NAA60: variants seen among roughly 807,000 people sequenced by gnomAD.
NAA60 encodes the protein N-alpha-acetyltransferase 60.
In NAA60, 8 loss-of-function variants were observed where a neutral mutation model predicts 26.1. The observed-to-expected ratio is 0.31, with a 90% CI of 0.18 to 0.55. The LOEUF (loss-of-function observed/expected upper bound fraction) is 0.55, where lower values mean the gene tolerates loss of function less well. Ranked by LOEUF, NAA60 falls within the 20% of genes least tolerant of loss-of-function variation. The pLI is 0.93. For synonymous variants in NAA60, 131 were observed against 122.5 expected (o/e 1.07, Z -0.46); for missense variants, 290 against 311.3 (o/e 0.93, Z 0.51).
At chr16:3,471,601 C>T (rs2036150169) in intron 2 of NAA60, among the ~76,000 whole-genome samples, 1 of 152,194 alleles carries the variant, frequency 6.6e-6, no homozygotes, top group Admixed American at 6.5e-5. Flanking sequence ...TTGCCAACCC[C>T]ACTTCCTGGG....
rs534698135 is a variant in NAA60, at chr16:3,458,156, C to G, written c.-7+9616C>G. Reference sequence around the variant, plus strand: ...GGATGCGCTGAGCCCTACAACACCCCCAGCGGCCGCCGGCTCCCCCACGAG... The same window carrying G: ...GGATGCGCTGAGCCCTACAACACCCGCAGCGGCCGCCGGCTCCCCCACGAG... On this transcript the variant is annotated intron_variant, in intron 2 of 7. Coordinates refer to ENST00000407558, the MANE Select transcript of NAA60 (RefSeq NM_001083601.3). 2.5e-5 allele frequency: 25 copies of G among 985,090 alleles called. No individual in the cohort carries two copies. In the South Asian group the frequency reaches 1.0e-3, roughly 41 times the overall value. The allele number at this position is 985,090 out of a possible 1,614,324, so 61.0% of individuals were successfully genotyped here. A position where few individuals can be genotyped will look rare whatever the true frequency, so the allele number is the denominator to read the frequency against.
At chr16:3,454,790 C>G (rs1234788742) in intron 2 of NAA60, among the ~76,000 whole-genome samples, 2 of 152,122 alleles carry the variant, frequency 1.3e-5, no homozygotes, top group African/African-American at 2.4e-5. Context: ...ATCACAGAGC[C>G]AAGGGAGAAT....
At chr16:3,454,852 T>TA (rs1168314449) in intron 2 of NAA60, among the ~76,000 whole-genome samples, 1 of 152,108 alleles carries the variant, frequency 6.6e-6, no homozygotes, top group Non-Finnish European at 1.5e-5. Flanking sequence ...GAACAAGGGG[T>TA]AGAGTCTGTG....
chr16:3,477,497 C>A (rs4786422), intron 3 of NAA60, among the ~76,000 whole-genome samples: 5,976 of 152,290 alleles, frequency 0.039, 184 homozygotes, highest in Middle Eastern at 0.078. Context: ...GCGGTGGCAA[C>A]ATGAGTTAAA....
intron 2 of NAA60, among the ~76,000 whole-genome samples, chr16:3,462,086 C>CAAAAAAAAAAAAAAAAAAA (rs1228233879): frequency 1.3e-5 from 1 of 76,798 alleles, no homozygotes; most frequent in Non-Finnish European, 2.5e-5. Context: ...GACCTTATAT[C>CAAAAAAAAAAAAAAAAAAA]AAAAAAAAAA....
At chr16:3,445,570 C>G (rs966782487) in intron 1 of NAA60, among the ~76,000 whole-genome samples, 1 of 151,950 alleles carries the variant, frequency 6.6e-6, no homozygotes, top group Non-Finnish European at 1.5e-5. Context: ...CCACCGCGCC[C>G]CGCCTATTTA....
intron 7 of NAA60, 173 bp from the exon 8 acceptor site, chr16:3,485,294 T>C (rs2037095715): frequency 1.8e-6 from 1 of 566,678 alleles, no homozygotes. Context: ...AGTGCCTTTA[T>C]TTGTGTGGGG....
chr16:3,482,421 C>T (rs1471320390), intron 4 of NAA60, 81 bp from the exon 5 acceptor site: 9 of 1,176,710 alleles, frequency 7.6e-6, no homozygotes, highest in Admixed American at 2.0e-5. Context: ...GAAGTCGGTG[C>T]GGAGCCCGCC....
At chr16:3,449,673 A>C (rs953616249) in intron 2 of NAA60, among the ~76,000 whole-genome samples, 2 of 152,196 alleles carry the variant, frequency 1.3e-5, no homozygotes, top group African/African-American at 2.4e-5. Context: ...TGACAGAGCG[A>C]GACCCCATCT....
At chr16:3,482,443 G>A (rs542378530) in intron 4 of NAA60, 59 bp from the exon 5 acceptor site, 12 of 1,385,196 alleles carry the variant, frequency 8.7e-6, no homozygotes, top group African/African-American at 4.3e-5. Context: ...GGGCCGGGCT[G>A]TGCAGTGAGC....
Position 3,484,842 on chromosome 16 carries a change from G to A in NAA60, c.716G>A (p.Ser239Asn). ...GISSKSGIEY[S>N]RTM ...TCTTCCAAGAGTGGCATCGAGTACAGCCGGACCATGTGATGTCGGCTGGGC... is the reference window on the plus strand; with the variant it reads ...TCTTCCAAGAGTGGCATCGAGTACAACCGGACCATGTGATGTCGGCTGGGC... Residue 239 changes from serine to asparagine, a missense_variant, in exon 7 of 8, where the codon AGC becomes AAC. By Grantham distance (46) the Ser-to-Asn change is conservative. Coordinates refer to ENST00000407558, the MANE Select transcript of NAA60 (RefSeq NM_001083601.3). 1 of 1,562,082 alleles carries A rather than the reference G, an allele frequency of 6.4e-7. No individual in the cohort carries two copies. Among genetic ancestry groups the A allele is most frequent in the Non-Finnish European group, 8.7e-7 (1 of 1,153,978 alleles).
At position 3,449,314 on chromosome 16, in the gene NAA60, C is replaced by T. The variant is rs184967618; in HGVS notation, c.-7+774C>T. Among the ~76,000 whole-genome samples, 906 of 152,158 alleles carry T rather than the reference C, an allele frequency of 6.0e-3. 12 individuals are homozygous for T. Among genetic ancestry groups the T allele is most frequent in the African/African-American group, 0.02 (815 of 41,508 alleles). On this transcript the variant is annotated intron_variant, in intron 2 of 7. Coordinates refer to ENST00000407558, the MANE Select transcript of NAA60 (RefSeq NM_001083601.3). ...CAGGTGGATCATGAGGTCAGGAGAT[C>T]GAGACCATCCTGGCTAACACGGTGA...
At position 3,458,793 on chromosome 16, in the gene NAA60, A is replaced by G. The variant is rs534717576; in HGVS notation, c.-7+10253A>G. Among the ~76,000 whole-genome samples, 8 of 152,282 alleles carry G rather than the reference A, an allele frequency of 5.3e-5. No individual in the cohort carries two copies. The South Asian group carries it at 1.7e-3, about 32-fold the overall frequency. Reference sequence around the variant, plus strand: ...CTGGCCCTTTACAGACCGGCCCTACAGAACCCACACCCCCAGCTCCGACTT... The same window carrying G: ...CTGGCCCTTTACAGACCGGCCCTACGGAACCCACACCCCCAGCTCCGACTT... On this transcript the variant is annotated intron_variant, in intron 2 of 7. Transcript: ENST00000407558.
At chr16:3,482,732 C>A in intron 5 of NAA60, 134 bp downstream of exon 5, 1 of 690,612 alleles carries the variant, frequency 1.4e-6, no homozygotes, top group Non-Finnish European at 2.6e-6. Context: ...TCTCATCTTC[C>A]ATCCTCGTTC....
chr16:3,471,913 C>G (rs1391166843), intron 2 of NAA60, among the ~76,000 whole-genome samples: 4 of 152,164 alleles, frequency 2.6e-5, no homozygotes, highest in Non-Finnish European at 4.4e-5. Context: ...AATCGAGGAA[C>G]CAGCCTCTGC....
chr16:3,444,055 T>C (rs899149847), intron 1 of NAA60, among the ~76,000 whole-genome samples: 5 of 152,192 alleles, frequency 3.3e-5, no homozygotes, highest in African/African-American at 9.7e-5. Flanking sequence ...CAAAGTGTTA[T>C]AGAGGCATTA....
intron 2 of NAA60, chr16:3,450,193 T>C (rs3859147): frequency 0.19 from 66,232 of 354,876 alleles, 6,364 homozygotes; most frequent in South Asian, 0.31. Context: ...TCCCTTGTGC[T>C]AGTCTCATGG....
intron 6 of NAA60, 43 bp downstream of exon 6, chr16:3,483,640 C>T: frequency 6.7e-7 from 1 of 1,500,582 alleles, no homozygotes; most frequent in Non-Finnish European, 9.2e-7. Context: ...GCTTCCTGTC[C>T]ATAAGGTGGC....
At chr16:3,458,396 G>A (rs1015867185) in intron 2 of NAA60, among the ~76,000 whole-genome samples, 1 of 152,116 alleles carries the variant, frequency 6.6e-6, no homozygotes, top group Non-Finnish European at 1.5e-5. Context: ...CGCTGGCCAG[G>A]GACGAGGGTT....
Sources: allele counts gnomAD v4.1 joint callset (sites outside exome capture counted in the v4.1 genomes callset), GRCh38; gene constraint gnomAD v4.1.1; transcripts MANE v1.5; gene names NCBI Gene and HGNC (gene_info 2026-07-23, HGNC 2026-07-21).